The following CDH4 variants were observed in gnomAD, a reference collection of about 807,000 sequenced individuals.
The protein encoded by CDH4 is cadherin 4.
A neutral mutation model predicts 86.0 loss-of-function variants in CDH4; 33 were observed. That is an observed-to-expected ratio of 0.38 (90% CI 0.29 to 0.51). The LOEUF (loss-of-function observed/expected upper bound fraction) is 0.51, where lower values mean the gene tolerates loss of function less well. Ranked by LOEUF, CDH4 falls within the 20% of genes least tolerant of loss-of-function variation. The probability of loss-of-function intolerance (pLI) is 0.86; values close to 1 mark genes in which losing one functional copy is unlikely to be tolerated. For synonymous variants in CDH4, 555 were observed against 549.4 expected (o/e 1.01, Z -0.14); for missense variants, 1,114 against 1,307.4 (o/e 0.85, Z 2.28).
chr20:61,761,649 C>CCGGT (rs1468753036), intron 3 of CDH4, among the ~76,000 whole-genome samples: 17 of 152,182 alleles, frequency 1.1e-4, no homozygotes, highest in Admixed American at 1.1e-3. Context: ...AAGTCAAAGG[C>CCGGT]CGGTGGCTTT....
At chr20:61,736,203 A>G (rs1438260951) in intron 2 of CDH4, among the ~76,000 whole-genome samples, 2 of 152,152 alleles carry the variant, frequency 1.3e-5, no homozygotes, top group Non-Finnish European at 2.9e-5. Flanking sequence ...TCTTCCTGAC[A>G]CCATGCTGTG....
At chr20:61,793,488 C>T (rs1026310723) in intron 4 of CDH4, among the ~76,000 whole-genome samples, 1 of 152,152 alleles carries the variant, frequency 6.6e-6, no homozygotes, top group Admixed American at 6.5e-5. Context: ...CTCTGGGACC[C>T]ATAAAGCGGC....
chr20:61,516,754 A>G lies in CDH4; in HGVS notation c.170-226809A>G, dbSNP rs1305340428. Among the ~76,000 whole-genome samples the G allele has an allele frequency of 1.3e-5, 2 of 152,110 alleles. No individual in the cohort carries two copies. Among genetic ancestry groups the G allele is most frequent in the Non-Finnish European group, 2.9e-5 (2 of 68,028 alleles). On this transcript the variant is annotated intron_variant, in intron 2 of 15. Coordinates refer to ENST00000614565, the MANE Select transcript of CDH4 (RefSeq NM_001794.5). The surrounding 1 kb of genome is among the most constrained non-coding windows in gnomAD (Gnocchi z 4.0). ...CCGAGAGCAGGCACTAAAAATAACC[A>G]GGCTCCGTTCCCAGGTCAGTGAGTG...
intron 2 of CDH4, among the ~76,000 whole-genome samples, chr20:61,449,998 C>T (rs1022958632): frequency 6.6e-6 from 1 of 152,248 alleles, no homozygotes; most frequent in Non-Finnish European, 1.5e-5. Flanking sequence ...CCTTTTGGAG[C>T]AGGTGCCGTT....
intron 2 of CDH4, among the ~76,000 whole-genome samples, chr20:61,364,597 C>G (rs28472486): frequency 6.6e-6 from 1 of 152,234 alleles, no homozygotes; most frequent in African/African-American, 2.4e-5. Flanking sequence ...TCACCCTCTC[C>G]TTGGCTCTCA....
intron 2 of CDH4, among the ~76,000 whole-genome samples, chr20:61,447,959 G>A (rs1215098650): frequency 6.6e-6 from 1 of 151,964 alleles, no homozygotes; most frequent in African/African-American, 2.4e-5. Flanking sequence ...ACACTCTGAA[G>A]CATGAACTTA....
chr20:61,928,288 GAGA>G lies in CDH4; in HGVS notation c.1873_1875del (p.Lys625del), dbSNP rs2055067688. On this transcript the variant is annotated inframe_deletion, in exon 12 of 16. Coordinates refer to ENST00000614565, the MANE Select transcript of CDH4 (RefSeq NM_001794.5). ...GCTGCCCAAGGAGGCGCAGATCTGC[GAGA>G]AGCCCAACCTGAACGCCATCAACAT... is the stretch of plus-strand genomic sequence containing the variant. 1 of 1,610,370 alleles carries G rather than the reference GAGA, an allele frequency of 6.2e-7. No homozygotes were observed. The highest frequency in any genetic ancestry group is 1.3e-5 in the African/African-American group (1 of 75,056).
At chr20:61,305,518 C>A (rs538687436) in intron 2 of CDH4, among the ~76,000 whole-genome samples, 2 of 152,220 alleles carry the variant, frequency 1.3e-5, no homozygotes, top group Non-Finnish European at 2.9e-5. Flanking sequence ...GAGGTCCTCA[C>A]GACATTCCAA....
At chr20:61,351,455 C>T (rs1371327472) in intron 2 of CDH4, among the ~76,000 whole-genome samples, 1 of 152,150 alleles carries the variant, frequency 6.6e-6, no homozygotes, top group African/African-American at 2.4e-5. Context: ...ACCAGTCTCC[C>T]ACTGATACCA....
rs754818766 is a variant in CDH4, at chr20:61,934,071, C to A, written c.2395C>A (p.Gln799Lys). The A allele has an allele frequency of 6.8e-6, 11 of 1,610,960 alleles. No homozygotes were observed. The highest frequency in any genetic ancestry group is 8.5e-6 in the Non-Finnish European group (10 of 1,179,848). The change falls in exon 15 of 16, where the codon CAG (glutamine) becomes AAG (lysine). Residue 799 changes from glutamine (Q) to lysine (K), a missense_variant. Physicochemically the swap from Gln to Lys is moderately conservative, Grantham distance 53 (BLOSUM62 1). Around this residue, in one of 3 missense-constraint regions of CDH4, gnomAD observed 188 missense variants for 183.8 expected, o/e 1.02. Coordinates refer to ENST00000614565, the MANE Select transcript of CDH4 (RefSeq NM_001794.5). Reference sequence around the variant, plus strand: ...CCTCCCCCAGGACTACGACCTCAGCCAGCTGCAGCAGCCGGAAGCCATGGG... The same window carrying A: ...CCTCCCCCAGGACTACGACCTCAGCAAGCTGCAGCAGCCGGAAGCCATGGG... Reference protein sequence around the residue: ...GEEDQDYDLSQLQQPEAMGHV... With the variant: ...GEEDQDYDLSKLQQPEAMGHV...
rs370109309 is a variant in CDH4, at chr20:61,725,795, A to T, written c.170-17768A>T. Among the ~76,000 whole-genome samples, 203 of 152,034 alleles carry T rather than the reference A, an allele frequency of 1.3e-3. 8 individuals carry two copies. The South Asian group carries it at 0.042, about 31-fold the overall frequency. On this transcript the variant is annotated intron_variant, in intron 2 of 15. Coordinates refer to ENST00000614565, the MANE Select transcript of CDH4 (RefSeq NM_001794.5). ...CGAGGAAGGGGAGGGCTGGGAGGGG[A>T]GGTGGCCTCTCAGGACAGCAAAGAG...
chr20:61,709,557 TG>T lies in CDH4; in HGVS notation c.170-34005del, dbSNP rs2087867554. Among the ~76,000 whole-genome samples the T allele has an allele frequency of 6.6e-6, 1 of 152,140 alleles. No homozygotes were observed. The highest frequency in any genetic ancestry group is 6.5e-5 in the Admixed American group (1 of 15,276). ...TCCCAAAATGCTGGGATTACAGGCA[TG>T]AGCCACTGTGCCTGGCAATTTTTGA... On this transcript the variant is annotated intron_variant, in intron 2 of 15. Transcript: ENST00000614565. This position sits in a 1 kb window ranked among gnomAD's most constrained non-coding sequence, Gnocchi z 4.8.
Position 61,516,962 on chromosome 20 carries a change from G to A in CDH4, c.170-226601G>A, listed in dbSNP as rs2085826320. Among the ~76,000 whole-genome samples, 1 of 152,106 alleles carries A rather than the reference G, an allele frequency of 6.6e-6. No homozygotes were observed. Among genetic ancestry groups the A allele is most frequent in the African/African-American group, 2.4e-5 (1 of 41,424 alleles). On this transcript the variant is annotated intron_variant, in intron 2 of 15. Transcript: ENST00000614565. The surrounding 1 kb of genome is among the most constrained non-coding windows in gnomAD (Gnocchi z 4.0). ...AACATGGGGTGTTTTCAATGTATTGGGATGTCATGCACGCCCTGAAAAATG... is the reference window on the plus strand; with the variant it reads ...AACATGGGGTGTTTTCAATGTATTGAGATGTCATGCACGCCCTGAAAAATG...
chr20:61,630,387 G>A (rs1250364035), intron 2 of CDH4, among the ~76,000 whole-genome samples: 1 of 152,186 alleles, frequency 6.6e-6, no homozygotes, highest in African/African-American at 2.4e-5. Context: ...AGCAGGGAAG[G>A]GCGAAGTGTC....
intron 2 of CDH4, among the ~76,000 whole-genome samples, chr20:61,731,285 C>T (rs1479037236): frequency 2.0e-5 from 3 of 152,046 alleles, no homozygotes; most frequent in Admixed American, 2.0e-4. Context: ...CACCCCTCGG[C>T]CCCCCGGCGG....
At chr20:61,762,216 TAC>T in intron 3 of CDH4, among the ~76,000 whole-genome samples, 1 of 152,334 alleles carries the variant, frequency 6.6e-6, no homozygotes, top group Non-Finnish European at 1.5e-5. Context: ...ATCACCATTC[TAC>T]ACAGTCACGA....
chr20:61,743,588 C>G lies in CDH4; in HGVS notation c.195C>G (p.Thr65=). The G allele has an allele frequency of 3.2e-6, 5 of 1,571,552 alleles. No homozygotes were observed. Among genetic ancestry groups the G allele is most frequent in the Non-Finnish European group, 8.6e-7 (1 of 1,157,152 alleles). Residue 65 remains threonine (T), a synonymous_variant, in exon 3 of 16, where the codon ACC becomes ACG. Transcript: ENST00000614565. The stretch of plus-strand genomic sequence containing the variant: ...TCAAGTTCAGCAGCTGTGTGGGGAC[C>G]AAGGGGACACAATATGAGACCAACA... ...LQVKFSSCVG[T]KGTQYETNSM...
At chr20:61,895,977 C>T (rs1282932877) in intron 8 of CDH4, among the ~76,000 whole-genome samples, 1 of 152,208 alleles carries the variant, frequency 6.6e-6, no homozygotes, top group African/African-American at 2.4e-5. Context: ...CGAGGGCTCC[C>T]AGAGTGGCCG....
chr20:61,795,016 T>C (rs1050808151), intron 4 of CDH4, among the ~76,000 whole-genome samples: 30 of 150,562 alleles, frequency 2.0e-4, no homozygotes, highest in African/African-American at 6.9e-4. Context: ...ATGATGGTGA[T>C]AAAGGTGGGA....
Sources: gnomAD v4.1 joint callset for allele counts (sites outside exome capture counted in the v4.1 genomes callset) on GRCh38, gnomAD v4.1.1 for gene constraint, gnomAD v4.1.1 regional missense constraint, Gnocchi (gnomAD v3.1) non-coding constraint, MANE v1.5 for transcripts, NCBI Gene and HGNC (gene_info 2026-07-23, HGNC 2026-07-21) for gene names.